Variants in TMCO1 observed in about 807,000 individuals in gnomAD.
The protein encoded by TMCO1 is calcium load-activated calcium channel.
TMCO1 carries 29 observed loss-of-function variants against 29.3 expected under a neutral mutation model. That is an observed-to-expected ratio of 0.99 (90% CI 0.74 to 1.35). TMCO1 has a LOEUF of 1.35. Ranked by LOEUF, TMCO1 falls within the 40% of genes most tolerant of loss-of-function variation. The pLI is 0.00. For synonymous variants in TMCO1, 80 were observed against 77.1 expected (o/e 1.04, Z -0.20); for missense variants, 173 against 225.5 (o/e 0.77, Z 1.49).
chr1:165,727,078 G>T lies in TMCO1; in HGVS notation c.*945C>A. 1 of 454,062 alleles carries T rather than the reference G, an allele frequency of 2.2e-6. No individual in the cohort carries two copies. The highest frequency in any genetic ancestry group is 4.4e-6 in the Non-Finnish European group (1 of 226,790). 28.1% of individuals were successfully genotyped at this position (454,062 alleles called of 1,614,324 possible). A position where few individuals can be genotyped will look rare whatever the true frequency, so the allele number is the denominator to read the frequency against. On this transcript the variant is annotated 3_prime_UTR_variant, in exon 7 of 7. Coordinates refer to ENST00000367881, the MANE Select transcript of TMCO1 (RefSeq NM_019026.6). ...CTCCTAATTCCATAGATTATGCGGGGAGGATCATGGTACAAACATCCTTCT... is the reference window on the plus strand; with the variant it reads ...CTCCTAATTCCATAGATTATGCGGGTAGGATCATGGTACAAACATCCTTCT...
rs565003403 is a variant in TMCO1 at position 165,731,577 on chromosome 1, A to G, written c.469-3456T>C. On this transcript the variant is annotated intron_variant, in intron 6 of 6. Transcript: ENST00000367881. ...AATGTTGGATGCCCTTTATAGGTTT[A>G]CCGTGATTTAAAGAAGATGATTGAA... Among the ~76,000 whole-genome samples the G allele has an allele frequency of 3.0e-4, 46 of 152,348 alleles. No homozygotes were observed. The South Asian group carries it at 9.1e-3, about 30-fold the overall frequency.
intron 2 of TMCO1, among the ~76,000 whole-genome samples, chr1:165,764,735 T>C (rs1287794349): frequency 6.6e-6 from 1 of 152,210 alleles, no homozygotes; most frequent in African/African-American, 2.4e-5. Context: ...ACAGGCCACA[T>C]GTTTATCCTA....
chr1:165,742,662 G>A (rs145933184), intron 6 of TMCO1, among the ~76,000 whole-genome samples: 2 of 152,134 alleles, frequency 1.3e-5, no homozygotes, highest in Non-Finnish European at 2.9e-5. Context: ...GCTCTCTTCC[G>A]GGCCTTCATA....
At chr1:165,743,910 G>C (rs1324465281) in intron 5 of TMCO1, among the ~76,000 whole-genome samples, 1 of 150,080 alleles carries the variant, frequency 6.7e-6, no homozygotes, top group African/African-American at 2.5e-5. Context: ...ACTCAGGCCA[G>C]AGTGCAGTGT....
chr1:165,724,308 T>A (rs746352711), downstream of TMCO1: 13 of 446,330 alleles, frequency 2.9e-5, no homozygotes, highest in South Asian at 2.1e-4. Context: ...ACCATCACTT[T>A]TAATATCTCA....
intron 6 of TMCO1, among the ~76,000 whole-genome samples, chr1:165,735,467 G>A (rs1442266922): frequency 2.7e-5 from 4 of 150,818 alleles, no homozygotes; most frequent in Non-Finnish European, 5.9e-5. Flanking sequence ...CAAAAAAGGA[G>A]CCTCAAATTT....
intron 5 of TMCO1, among the ~76,000 whole-genome samples, chr1:165,744,812 A>AAC (rs1203138388): frequency 2.2e-5 from 3 of 138,594 alleles, no homozygotes; most frequent in African/African-American, 8.1e-5. Context: ...AAAAAAAAAA[A>AAC]TTTCAATTCT....
intron 6 of TMCO1, among the ~76,000 whole-genome samples, chr1:165,736,668 C>T (rs576947806): frequency 1.4e-5 from 2 of 147,132 alleles, no homozygotes; most frequent in South Asian, 2.1e-4. Flanking sequence ...TGCAGTGAAC[C>T]GAGATCATGC....
At chr1:165,745,768 G>A (rs73022535) in intron 5 of TMCO1, among the ~76,000 whole-genome samples, 2,019 of 152,208 alleles carry the variant, frequency 0.013, 54 homozygotes, top group African/African-American at 0.047. Flanking sequence ...AAAAATAGAT[G>A]TACAGCCTTT....
intron 5 of TMCO1, among the ~76,000 whole-genome samples, chr1:165,750,925 C>A (rs1348827118): frequency 6.6e-6 from 1 of 152,012 alleles, no homozygotes. Flanking sequence ...CAAAAAGTAG[C>A]CAGGCATGGT....
chr1:165,768,847 C>T lies in TMCO1; in HGVS notation c.-96G>A. On this transcript the variant is annotated 5_prime_UTR_variant, in exon 1 of 7. Coordinates refer to ENST00000367881, the MANE Select transcript of TMCO1 (RefSeq NM_019026.6). ...AAACGGCTTCCGTAGACTCCGCCAC[C>T]ACCGAGTAACAGACCAACTCTGACA... 1 of 1,581,030 alleles carries T rather than the reference C, an allele frequency of 6.3e-7. No homozygotes were observed. The highest frequency in any genetic ancestry group is 8.6e-7 in the Non-Finnish European group (1 of 1,162,514).
In TMCO1 at chr1:165,727,372, A is replaced by G. The variant is rs929401881; in HGVS notation, c.*651T>C. ...CCAACGAGTTATTACGTTCCTTTCC[A>G]CTCTTGCTTTCCAATTCCTACACCA... is the stretch of plus-strand genomic sequence containing the variant. On this transcript the variant is annotated 3_prime_UTR_variant, in exon 7 of 7. Coordinates refer to ENST00000367881, the MANE Select transcript of TMCO1 (RefSeq NM_019026.6). 11 of 453,548 alleles carry G rather than the reference A, an allele frequency of 2.4e-5. No individual in the cohort carries two copies. Among genetic ancestry groups the G allele is most frequent in the Non-Finnish European group, 4.4e-5 (10 of 226,720 alleles). The allele number at this position is 453,548 out of a possible 1,614,324, so 28.1% of individuals were successfully genotyped here. A position where few individuals can be genotyped will look rare whatever the true frequency, so the allele number is the denominator to read the frequency against.
At chr1:165,736,808 T>G (rs1053476823) in intron 6 of TMCO1, among the ~76,000 whole-genome samples, 4 of 152,180 alleles carry the variant, frequency 2.6e-5, no homozygotes, top group Non-Finnish European at 5.9e-5. Context: ...AAGGTTTTTT[T>G]GTTTTGTTTT....
rs754261649 is a variant in TMCO1, at chr1:165,759,587, G to A, written c.149-3C>T. On this transcript the variant is annotated splice_region_variant and splice_polypyrimidine_tract_variant and intron_variant, in intron 2 of 6. Transcript: ENST00000367881. ...TATTGTTTCCTTCTTCTTTTCCACTGTAAACAACATAGTAACACAGTAAAA... is the reference window on the plus strand; with the variant it reads ...TATTGTTTCCTTCTTCTTTTCCACTATAAACAACATAGTAACACAGTAAAA... 1.2e-6 allele frequency: 2 copies of A among 1,611,362 alleles called. No individual in the cohort carries two copies. The highest frequency in any genetic ancestry group is 1.7e-6 in the Non-Finnish European group (2 of 1,178,230).
chr1:165,752,524 G>A (rs12733680), intron 4 of TMCO1, among the ~76,000 whole-genome samples: 12,235 of 151,586 alleles, frequency 0.081, 607 homozygotes, highest in Middle Eastern at 0.14. Flanking sequence ...CAAAGTGCTG[G>A]GATTACAGGC....
At chr1:165,726,191 A>C (rs1558025421), downstream of TMCO1, 1 of 698,596 alleles carries the variant, frequency 1.4e-6, no homozygotes, top group East Asian at 2.7e-5. Context: ...TTTTGCTTAG[A>C]GTGGTCAATG....
chr1:165,745,968 T>C (rs947399027), intron 5 of TMCO1, among the ~76,000 whole-genome samples: 4 of 152,086 alleles, frequency 2.6e-5, no homozygotes, highest in Admixed American at 6.6e-5. Flanking sequence ...AGAAAGTTGC[T>C]GAAAATAATA....
downstream of TMCO1, chr1:165,725,361 G>A (rs1379124143): frequency 2.2e-6 from 1 of 453,946 alleles, no homozygotes; most frequent in African/African-American, 2.0e-5. Context: ...TACCTGGGAA[G>A]AGAAAGGCCC....
intron 3 of TMCO1, among the ~76,000 whole-genome samples, chr1:165,757,156 C>G (rs1272216558): frequency 6.6e-6 from 1 of 152,138 alleles, no homozygotes; most frequent in Non-Finnish European, 1.5e-5. Flanking sequence ...ATATTGAAAA[C>G]TAATAGAAAC....
Sources: gnomAD v4.1 joint callset for allele counts (sites outside exome capture counted in the v4.1 genomes callset) on GRCh38, gnomAD v4.1.1 for gene constraint, MANE v1.5 for transcripts, NCBI Gene and HGNC (gene_info 2026-07-23, HGNC 2026-07-21) for gene names.